Variants in CCDC80 observed in about 807,000 individuals in gnomAD.
The protein encoded by CCDC80 is coiled-coil domain-containing protein 80.
A neutral mutation model predicts 78.7 loss-of-function variants in CCDC80; 49 were observed. That is an observed-to-expected ratio of 0.62 (90% CI 0.50 to 0.79). The LOEUF (loss-of-function observed/expected upper bound fraction) is 0.79. Ranked by LOEUF, CCDC80 falls within the 30% of genes least tolerant of loss-of-function variation. The pLI is 0.00. For synonymous variants in CCDC80, 488 were observed against 447.0 expected, an observed-to-expected ratio of 1.09 and a Z score of -1.16; for missense variants, 1,205 against 1,198.6, an observed-to-expected ratio of 1.01 and a Z score of -0.08.
Position 112,641,104 on chromosome 3 carries a change from T to C in CCDC80, c.-789A>G, listed in dbSNP as rs1056099065. The C allele has an allele frequency of 1.4e-4, 22 of 152,240 alleles. No individual in the cohort carries two copies. Among genetic ancestry groups the C allele is most frequent in the African/African-American group, 5.3e-4 (22 of 41,450 alleles). The allele number at this position is 152,240 out of a possible 1,614,324, so 9.4% of individuals were successfully genotyped here. On this transcript the variant is annotated 5_prime_UTR_variant, in exon 1 of 8. Transcript: ENST00000206423. ...GCAAAACACCGCCTCCTTCCCATTT[T>C]AGCACGTTCAGAGTGGACTCAGTGA...
chr3:112,605,783 G>A lies in CCDC80; in HGVS notation c.2507-20C>T. On this transcript the variant is annotated intron_variant, in intron 7 of 7. Coordinates refer to ENST00000206423, the MANE Select transcript of CCDC80 (RefSeq NM_199511.3). ...AGCTCCCTAGAATAACATTGGAATA[G>A]TTATTGTTAGTAGATTAAACAGTCA... 6.3e-7 allele frequency: 1 copy of A among 1,581,042 alleles called. No individual in the cohort carries two copies. Among genetic ancestry groups the A allele is most frequent in the Non-Finnish European group, 8.7e-7 (1 of 1,155,422 alleles).
chr3:112,613,609 C>G (rs1261808815), intron 5 of CCDC80, among the ~76,000 whole-genome samples: 1 of 152,016 alleles, frequency 6.6e-6, no homozygotes, highest in Non-Finnish European at 1.5e-5. Context: ...AAACCCTTGA[C>G]ATAGTGGTTA....
At chr3:112,639,959 A>G in intron 1 of CCDC80, 43 bp from the exon 2 acceptor site, 1 of 1,546,400 alleles carries the variant, frequency 6.5e-7, no homozygotes. Context: ...GGAGGGGGAA[A>G]AAAGAAAGAA....
At chr3:112,619,130 A>G in intron 3 of CCDC80, 26 bp from the exon 4 acceptor site, 1 of 1,538,384 alleles carries the variant, frequency 6.5e-7, no homozygotes, top group Non-Finnish European at 8.7e-7. Context: ...ATGTGAATGA[A>G]TATGGGTGTG....
intron 3 of CCDC80, among the ~76,000 whole-genome samples, chr3:112,622,794 T>TA (rs1396283696): frequency 6.6e-6 from 1 of 151,276 alleles, no homozygotes; most frequent in African/African-American, 2.4e-5. Flanking sequence ...TAGCTGGGAT[T>TA]ACAGGCATGC....
chr3:112,616,424 C>G (rs1402447408), intron 5 of CCDC80, among the ~76,000 whole-genome samples: 1 of 86,396 alleles, frequency 1.2e-5, no homozygotes, highest in South Asian at 4.2e-4. Context: ...TATTCTGTAC[C>G]AAAGAAAGAG....
At chr3:112,619,223 C>T in intron 3 of CCDC80, 119 bp from the exon 4 acceptor site, 2 of 913,036 alleles carry the variant, frequency 2.2e-6, no homozygotes, top group East Asian at 3.1e-5. Context: ...ATATATTCAA[C>T]TCACGTTGTG....
rs772714489 is a variant in CCDC80, at chr3:112,609,968, TC to T, written c.2425+9del. ...ATGGGAAAGCAGTAATGAGGTGGCTTCCCACTCACCAAAATTGCACGCCTGA... is the reference window on the plus strand; with the variant it reads ...ATGGGAAAGCAGTAATGAGGTGGCTTCCACTCACCAAAATTGCACGCCTGA... On this transcript the variant is annotated intron_variant, in intron 6 of 7. Coordinates refer to ENST00000206423, the MANE Select transcript of CCDC80 (RefSeq NM_199511.3). 2 of 1,602,132 alleles carry T rather than the reference TC, an allele frequency of 1.2e-6. No individual in the cohort carries two copies. Among genetic ancestry groups the T allele is most frequent in the South Asian group, 2.2e-5 (2 of 90,432 alleles).
rs767940513 is a variant in CCDC80 at position 112,638,301 on chromosome 3, C to G, written c.1605G>C (p.Lys535Asn). 12 of 1,613,898 alleles carry G rather than the reference C, an allele frequency of 7.4e-6. No individual in the cohort carries two copies. Among genetic ancestry groups the G allele is most frequent in the Non-Finnish European group, 1.0e-5 (12 of 1,180,034 alleles). The change falls in exon 2 of 8, where the codon AAG becomes AAC. Residue 535 changes from lysine to asparagine, a missense_variant. By Grantham distance (94) the Lys-to-Asn change is moderately conservative. Transcript: ENST00000206423. ...CAAGCTTTTCATGCTTTTTAGACTC[C>G]TTTGCTTTTTTAAGGGGAACATTCC... The part of the protein sequence containing the change: ...QVGNVPLKKA[K>N]ESKKHEKLEK...
intron 5 of CCDC80, 37 bp from the exon 6 acceptor site, chr3:112,610,118 G>A (rs1935595385): frequency 1.3e-6 from 2 of 1,545,398 alleles, no homozygotes; most frequent in Non-Finnish European, 1.8e-6. Context: ...ACTGCTTACT[G>A]CTTCAAACAA....
In CCDC80 at chr3:112,639,691, T is replaced by A. The variant is rs1414874009; in HGVS notation, c.215A>T (p.Gln72Leu). 1 of 1,614,174 alleles carries A rather than the reference T, an allele frequency of 6.2e-7. No individual in the cohort carries two copies. The highest frequency in any genetic ancestry group is 1.7e-5 in the Admixed American group (1 of 60,032). ...ERSTLEEPNLQPLQRRRSVPV... is the reference protein window; with the variant it reads ...ERSTLEEPNLLPLQRRRSVPV... ...CACACTCCTCCTTCTCTGGAGAGGCTGAAGGTTTGGTTCCTCCAGAGTGGA... is the reference window on the plus strand; with the variant it reads ...CACACTCCTCCTTCTCTGGAGAGGCAGAAGGTTTGGTTCCTCCAGAGTGGA... The change falls in exon 2 of 8, where the codon CAG becomes CTG. Residue 72 changes from glutamine (Q) to leucine (L), a missense_variant. Gln to Leu is a moderately radical substitution (Grantham distance 113). Coordinates refer to ENST00000206423, the MANE Select transcript of CCDC80 (RefSeq NM_199511.3).
chr3:112,599,351 G>A lies in CCDC80; in HGVS notation c.*6066C>T, dbSNP rs1037793502. On this transcript the variant is annotated 3_prime_UTR_variant, in exon 8 of 8. Coordinates refer to ENST00000206423, the MANE Select transcript of CCDC80 (RefSeq NM_199511.3). ...CAAAATTAAGAGGAAGTCTGGCATC[G>A]GGAGCTTTACACAACTCAGAGAGAA... The A allele has an allele frequency of 6.6e-6, 1 of 152,054 alleles. No individual in the cohort carries two copies. Among genetic ancestry groups the A allele is most frequent in the South Asian group, 2.1e-4 (1 of 4,822 alleles). The allele number at this position is 152,054 out of a possible 1,614,324, so 9.4% of individuals were successfully genotyped here. A position where few individuals can be genotyped will look rare whatever the true frequency, so the allele number is the denominator to read the frequency against.
rs920353942 is a variant in CCDC80, at chr3:112,618,794, A to G, written c.2172+174T>C. Among the ~76,000 whole-genome samples, 7 of 152,350 alleles carry G rather than the reference A, an allele frequency of 4.6e-5. No homozygotes were observed. The East Asian group carries it at 1.3e-3, about 29-fold the overall frequency. ...TCCAACTCAGTCTTTGTCAGAGACC[A>G]CATTTCTGGATGCAAATTCGTAGGA... On this transcript the variant is annotated intron_variant, in intron 4 of 7. Coordinates refer to ENST00000206423, the MANE Select transcript of CCDC80 (RefSeq NM_199511.3).
chr3:112,610,191 A>G, intron 5 of CCDC80, 110 bp from the exon 6 acceptor site: 3 of 832,452 alleles, frequency 3.6e-6, no homozygotes, highest in Non-Finnish European at 5.9e-6. Flanking sequence ...GCCCAGAAAA[A>G]AAAAAAGAAA....
At position 112,602,694 on chromosome 3, in the gene CCDC80, T is replaced by G. The variant is rs1360631299; in HGVS notation, c.*2723A>C. The G allele has an allele frequency of 6.6e-6, 1 of 152,156 alleles. No individual in the cohort carries two copies. Among genetic ancestry groups the G allele is most frequent in the Non-Finnish European group, 1.5e-5 (1 of 68,050 alleles). 9.4% of individuals were successfully genotyped at this position (152,156 alleles called of 1,614,324 possible). On this transcript the variant is annotated 3_prime_UTR_variant, in exon 8 of 8. Coordinates refer to ENST00000206423, the MANE Select transcript of CCDC80 (RefSeq NM_199511.3). Reference sequence around the variant, plus strand: ...TAACTCTCTTCAATTCTATGAAAGCTAAAGGGAGGTGAGGAAGCTTCAGAA... The same window carrying G: ...TAACTCTCTTCAATTCTATGAAAGCGAAAGGGAGGTGAGGAAGCTTCAGAA...
In CCDC80 at chr3:112,638,838, G is replaced by A. The variant is rs759211980; in HGVS notation, c.1068C>T (p.Ala356=). The A allele has an allele frequency of 5.0e-6, 8 of 1,613,808 alleles. No homozygotes were observed. Among genetic ancestry groups the A allele is most frequent in the Non-Finnish European group, 8.5e-7 (1 of 1,180,010 alleles). The change falls in exon 2 of 8, where the codon GCC becomes GCT. Residue 356 remains alanine (A), a synonymous_variant. Coordinates refer to ENST00000206423, the MANE Select transcript of CCDC80 (RefSeq NM_199511.3). The part of the protein sequence containing the change: ...STPRATTLPP[A]PATTVTRSTS... Reference sequence around the variant, plus strand: ...TGGACCGAGTCACTGTTGTGGCTGGGGCAGGAGGAAGGGTGGTGGCTCTGG... The same window carrying A: ...TGGACCGAGTCACTGTTGTGGCTGGAGCAGGAGGAAGGGTGGTGGCTCTGG...
intron 3 of CCDC80, among the ~76,000 whole-genome samples, chr3:112,629,229 C>T (rs193260019): frequency 8.7e-5 from 13 of 149,746 alleles, no homozygotes; most frequent in African/African-American, 3.2e-4. Flanking sequence ...ATATATTTTA[C>T]GGAAACTATG....
intron 5 of CCDC80, among the ~76,000 whole-genome samples, chr3:112,612,062 A>AAG (rs1935642822): frequency 8.1e-6 from 1 of 123,170 alleles, no homozygotes; most frequent in African/African-American, 3.2e-5. Context: ...TTTTTTTTTT[A>AAG]AAAAGGGAAA....
chr3:112,608,487 C>G (rs76567478), intron 6 of CCDC80, among the ~76,000 whole-genome samples: 3 of 152,020 alleles, frequency 2.0e-5, no homozygotes, highest in Non-Finnish European at 4.4e-5. Flanking sequence ...ATGACTTGTT[C>G]GCATTTTGGG....
Sources: allele counts gnomAD v4.1 joint callset (sites outside exome capture counted in the v4.1 genomes callset), GRCh38; gene constraint gnomAD v4.1.1; transcripts MANE v1.5; gene names NCBI Gene and HGNC (gene_info 2026-07-23, HGNC 2026-07-21).